The following MEGF11 variants were observed in gnomAD, a reference collection of about 807,000 sequenced individuals.
MEGF11 encodes the protein multiple epidermal growth factor-like domains protein 11.
A neutral mutation model predicts 146.6 loss-of-function variants in MEGF11; 126 were observed. The observed-to-expected ratio is 0.86, with a 90% CI of 0.74 to 1.00. MEGF11 has a LOEUF of 1.00. MEGF11 is among the 50% of genes least tolerant of loss of function. The probability of loss-of-function intolerance (pLI) is 0.00; values close to 1 mark genes in which losing one functional copy is unlikely to be tolerated. For missense variants in MEGF11, 1,509 were observed against 1,521.2 expected (o/e 0.99, Z 0.13); for synonymous variants, 532 against 583.4 (o/e 0.91, Z 1.27).
chr15:65,988,413 A>G (rs1260788067), intron 5 of MEGF11, among the ~76,000 whole-genome samples: 3 of 152,192 alleles, frequency 2.0e-5, no homozygotes, highest in Non-Finnish European at 2.9e-5. Context: ...AACATTTTCA[A>G]GGTTCATCCA....
intron 9 of MEGF11, among the ~76,000 whole-genome samples, chr15:65,959,159 C>A (rs1280516866): frequency 6.6e-6 from 1 of 152,232 alleles, no homozygotes; most frequent in Non-Finnish European, 1.5e-5. Flanking sequence ...CATCTGTCTT[C>A]TCCACTAGGT....
At position 65,913,804 on chromosome 15, in the gene MEGF11, T is replaced by C. The variant is rs146762597; in HGVS notation, c.2643A>G (p.Arg881=). The change falls in exon 20 of 26, where the codon CGA becomes CGG. Residue 881 remains arginine, a synonymous_variant. Transcript: ENST00000395614. ...WHRRRQKEKG[R]DLAPRVSYTP... Reference sequence around the variant, plus strand: ...TGTAGGAGACACGGGGAGCCAGGTCTCGGCCCTTCTCTTTCTGCCGCCGCC... The same window carrying C: ...TGTAGGAGACACGGGGAGCCAGGTCCCGGCCCTTCTCTTTCTGCCGCCGCC... 1.3e-5 allele frequency: 21 copies of C among 1,613,732 alleles called. No homozygotes were observed. Among genetic ancestry groups the C allele is most frequent in the Non-Finnish European group, 1.7e-5 (20 of 1,179,826 alleles).
intron 2 of MEGF11, among the ~76,000 whole-genome samples, chr15:66,127,355 G>A (rs2088405609): frequency 6.6e-6 from 1 of 152,196 alleles, no homozygotes; most frequent in Non-Finnish European, 1.5e-5. Context: ...CTGTCCCTCT[G>A]CCTCCCAGCT....
chr15:66,245,222 G>A (rs753681315), intron 1 of MEGF11, among the ~76,000 whole-genome samples: 1 of 152,154 alleles, frequency 6.6e-6, no homozygotes, highest in Non-Finnish European at 1.5e-5. Flanking sequence ...GGTAGGGACT[G>A]GGGAGGCAGG....
At chr15:66,204,059 A>G (rs914302482) in intron 1 of MEGF11, among the ~76,000 whole-genome samples, 3 of 151,670 alleles carry the variant, frequency 2.0e-5, no homozygotes, top group Non-Finnish European at 4.4e-5. Context: ...CCTGGGCAAG[A>G]CAGTAAGATC....
intron 7 of MEGF11, among the ~76,000 whole-genome samples, chr15:65,980,282 G>C (rs1427372460): frequency 6.6e-6 from 1 of 152,052 alleles, no homozygotes; most frequent in African/African-American, 2.4e-5. Context: ...ACAGCACTTA[G>C]AGATGGCAGA....
chr15:65,968,418 A>G (rs1450402658), intron 8 of MEGF11, among the ~76,000 whole-genome samples: 2 of 152,218 alleles, frequency 1.3e-5, no homozygotes, highest in Non-Finnish European at 2.9e-5. Context: ...CCTCCTGCTT[A>G]GCAGGACTGG....
intron 15 of MEGF11, 152 bp downstream of exon 15, chr15:65,922,186 G>C: frequency 1.2e-6 from 1 of 837,392 alleles, no homozygotes; most frequent in Non-Finnish European, 1.9e-6. Flanking sequence ...GCCATGTGGG[G>C]CTCAATTCTC....
intron 1 of MEGF11, among the ~76,000 whole-genome samples, chr15:66,245,506 C>T (rs1030461548): frequency 6.6e-6 from 1 of 151,754 alleles, no homozygotes; most frequent in Non-Finnish European, 1.5e-5. Flanking sequence ...GTGGCATACA[C>T]CTGTGGTCCC....
chr15:66,064,788 C>G (rs939359610), intron 5 of MEGF11, among the ~76,000 whole-genome samples: 1 of 152,078 alleles, frequency 6.6e-6, no homozygotes, highest in African/African-American at 2.4e-5. Context: ...CTTGGCCTCT[C>G]AAAGTGCTGG....
chr15:66,178,700 G>T (rs1262761670), intron 1 of MEGF11, among the ~76,000 whole-genome samples: 1 of 152,114 alleles, frequency 6.6e-6, no homozygotes, highest in Non-Finnish European at 1.5e-5. Flanking sequence ...TCAGCCCCAG[G>T]TATTCAGCTT....
At chr15:65,960,172 C>T (rs1020468938) in intron 9 of MEGF11, among the ~76,000 whole-genome samples, 2 of 152,194 alleles carry the variant, frequency 1.3e-5, no homozygotes, top group African/African-American at 4.8e-5. Flanking sequence ...GACAGATTTA[C>T]CCCAAAATGG....
intron 7 of MEGF11, among the ~76,000 whole-genome samples, chr15:65,972,111 A>C (rs1056486766): frequency 6.6e-6 from 1 of 152,178 alleles, no homozygotes; most frequent in Non-Finnish European, 1.5e-5. Context: ...TATACCAGAG[A>C]GAGAGAGACA....
Position 65,922,921 on chromosome 15 carries a change from C to A in MEGF11, c.1724G>T (p.Cys575Phe). 1.2e-6 allele frequency: 2 copies of A among 1,613,146 alleles called. No homozygotes were observed. The highest frequency in any genetic ancestry group is 1.7e-6 in the Non-Finnish European group (2 of 1,179,700). Reference protein sequence around the residue: ...TCPPGRWGPNCSVSCSCENGG... With the variant: ...TCPPGRWGPNFSVSCSCENGG... ...ATTCTCACAGCTGCAGGAGACAGAG[C>A]AGTTGGGGCCCCAGCGGCCAGGTGG... The change falls in exon 14 of 26, where the codon TGC becomes TTC. Residue 575 changes from cysteine to phenylalanine, a missense_variant. Transcript: ENST00000395614.
At chr15:66,205,298 C>T (rs150389036) in intron 1 of MEGF11, among the ~76,000 whole-genome samples, 2 of 152,130 alleles carry the variant, frequency 1.3e-5, no homozygotes, top group Admixed American at 6.5e-5. Flanking sequence ...AAAACTTAGC[C>T]GGGCATGGTA....
At chr15:66,177,637 A>G (rs913365779) in intron 1 of MEGF11, among the ~76,000 whole-genome samples, 3 of 151,424 alleles carry the variant, frequency 2.0e-5, no homozygotes, top group Admixed American at 6.6e-5. Flanking sequence ...AACTCAGAGC[A>G]CAGCACCCTG....
At chr15:65,993,270 G>A (rs1031985853) in intron 5 of MEGF11, among the ~76,000 whole-genome samples, 4 of 152,070 alleles carry the variant, frequency 2.6e-5, no homozygotes, top group African/African-American at 7.2e-5. Context: ...TATGAGGCTC[G>A]GGGTGAGAGG....
At chr15:65,924,376 G>A (rs569315159) in intron 13 of MEGF11, among the ~76,000 whole-genome samples, 33 of 138,538 alleles carry the variant, frequency 2.4e-4, no homozygotes, top group African/African-American at 5.7e-4. Context: ...GTGTGGGTGG[G>A]GGGGGGGGCA....
chr15:65,998,872 C>G (rs2082277192), intron 5 of MEGF11, among the ~76,000 whole-genome samples: 1 of 152,146 alleles, frequency 6.6e-6, no homozygotes, highest in Admixed American at 6.5e-5. Flanking sequence ...AGCAGGACAT[C>G]TACATTTTCT....
Sources: gnomAD v4.1 joint callset for allele counts (sites outside exome capture counted in the v4.1 genomes callset) on GRCh38, gnomAD v4.1.1 for gene constraint, MANE v1.5 for transcripts, NCBI Gene and HGNC (gene_info 2026-07-23, HGNC 2026-07-21) for gene names.